The following PLCG2 variants were observed in gnomAD, a reference collection of about 807,000 sequenced individuals.
The protein encoded by PLCG2 is phospholipase C gamma 2.
A neutral mutation model predicts 175.6 loss-of-function variants in PLCG2; 69 were observed. That is an observed-to-expected ratio of 0.39 (90% CI 0.32 to 0.48). The LOEUF (loss-of-function observed/expected upper bound fraction) is 0.48. Ranked by LOEUF, PLCG2 falls within the 20% of genes least tolerant of loss-of-function variation. PLCG2 has a pLI of 0.91. For synonymous variants in PLCG2, 827 were observed against 624.0 expected, an observed-to-expected ratio of 1.33 and a Z score of -4.85; for missense variants, 1,798 against 1,650.9, an observed-to-expected ratio of 1.09 and a Z score of -1.54.
chr16:81,940,807 TCTATATAG>T (rs1395152316), intron 30 of PLCG2, among the ~76,000 whole-genome samples: 4 of 152,196 alleles, frequency 2.6e-5, no homozygotes, highest in Non-Finnish European at 4.4e-5. Flanking sequence ...CTCCTTAGCT[TCTATATAG>T]TTTCTCTAGT....
chr16:81,903,960 G>A (rs4424903), intron 14 of PLCG2, among the ~76,000 whole-genome samples: 136,768 of 152,006 alleles, frequency 0.9, 61,651 homozygotes, highest in East Asian at 0.97. Flanking sequence ...TTGGCTAGGC[G>A]TGGTCATATG....
intron 2 of PLCG2, among the ~76,000 whole-genome samples, chr16:81,787,283 A>G (rs762807504): frequency 6.6e-6 from 1 of 151,936 alleles, no homozygotes; most frequent in African/African-American, 2.4e-5. Context: ...GTGCAATGGC[A>G]TGATCATGGC....
At chr16:81,869,327 T>A in intron 6 of PLCG2, 29 bp downstream of exon 6, 1 of 1,498,884 alleles carries the variant, frequency 6.7e-7, no homozygotes, top group Middle Eastern at 1.7e-4. Context: ...CCTGGGAATT[T>A]TATGAATGCG....
Position 81,858,341 on chromosome 16 carries a change from C to T in PLCG2, c.416C>T (p.Pro139Leu), listed in dbSNP as rs1597358022. ...CAGGAAGCGATGAATGCGTCCACGC[C>T]CACCATTATCGAGAGGTAGTTGGCT... ...LHQEAMNAST[P>L]TIIESWLRKQ... is the part of the protein sequence containing the mutation. Residue 139 changes from proline to leucine, a missense_variant, in exon 4 of 33, where the codon CCC becomes CTC. Pro to Leu is a moderately conservative substitution (Grantham distance 98). Coordinates refer to ENST00000564138, the MANE Select transcript of PLCG2 (RefSeq NM_002661.5). 2 of 1,613,110 alleles carry T rather than the reference C, an allele frequency of 1.2e-6. No individual in the cohort carries two copies. Among genetic ancestry groups the T allele is most frequent in the Non-Finnish European group, 1.7e-6 (2 of 1,179,096 alleles).
At chr16:81,912,788 G>C in intron 19 of PLCG2, 72 bp downstream of exon 19, 1 of 1,484,914 alleles carries the variant, frequency 6.7e-7, no homozygotes, top group Non-Finnish European at 8.9e-7. Flanking sequence ...AGACAAGGGG[G>C]AACTTCAGGT....
intron 2 of PLCG2, among the ~76,000 whole-genome samples, chr16:81,765,683 C>T (rs1479967121): frequency 6.6e-6 from 1 of 152,150 alleles, no homozygotes; most frequent in African/African-American, 2.4e-5. Flanking sequence ...CCCGGGGTCT[C>T]AGACTTTTAG....
intron 10 of PLCG2, 84 bp from the exon 11 acceptor site, chr16:81,891,388 C>G: frequency 1.2e-6 from 1 of 815,494 alleles, no homozygotes; most frequent in Non-Finnish European, 2.2e-6. Flanking sequence ...TGTTCTTCCC[C>G]CCTGGTGGGC....
At position 81,940,216 on chromosome 16, in the gene PLCG2, G is replaced by A. The variant is rs779050876; in HGVS notation, c.3481+157G>A. On this transcript the variant is annotated intron_variant, in intron 30 of 32. Coordinates refer to ENST00000564138, the MANE Select transcript of PLCG2 (RefSeq NM_002661.5). ...TTGGAGAGCAGGTGTACAGCCTGTC[G>A]TGTAGCACACAGGTGGGAGGAAGTG... Among the ~76,000 whole-genome samples the A allele has an allele frequency of 7.9e-5, 12 of 152,270 alleles. 1 individual carries two copies. Among genetic ancestry groups the A allele is most frequent in the Middle Eastern group, 6.8e-3 (2 of 292 alleles).
chr16:81,958,750 G>C lies in PLCG2; in HGVS notation c.*752G>C, dbSNP rs575279604. ...TTGCCCCTGGCTCTGCCAGCTGCTG[G>C]GAGGCTCTGGCCCCACTAGTCCCTC... On this transcript the variant is annotated 3_prime_UTR_variant, in exon 33 of 33. Coordinates refer to ENST00000564138, the MANE Select transcript of PLCG2 (RefSeq NM_002661.5). 1 of 221,346 alleles carries C rather than the reference G, an allele frequency of 4.5e-6. No homozygotes were observed. The highest frequency in any genetic ancestry group is 9.0e-6 in the Non-Finnish European group (1 of 110,590). The allele number at this position is 221,346 out of a possible 1,614,324, so 13.7% of individuals were successfully genotyped here.
At chr16:81,875,925 T>A (rs1426091797) in intron 7 of PLCG2, among the ~76,000 whole-genome samples, 2 of 152,094 alleles carry the variant, frequency 1.3e-5, no homozygotes, top group African/African-American at 4.8e-5. Context: ...TCAGAGATCT[T>A]GCAGTTTATT....
chr16:81,879,232 A>T (rs1391089434), intron 7 of PLCG2, among the ~76,000 whole-genome samples: 4 of 152,170 alleles, frequency 2.6e-5, no homozygotes, highest in African/African-American at 9.6e-5. Flanking sequence ...TGGGCTTGGA[A>T]GTGTTCTAGC....
chr16:81,917,486 G>A (rs142465920), intron 19 of PLCG2, among the ~76,000 whole-genome samples: 6 of 152,116 alleles, frequency 3.9e-5, no homozygotes, highest in African/African-American at 1.2e-4. Context: ...TTTCCATAGT[G>A]GCTATGCTAA....
chr16:81,755,183 ATTT>A (rs1459422858), intron 1 of PLCG2, among the ~76,000 whole-genome samples: 1 of 151,858 alleles, frequency 6.6e-6, no homozygotes, highest in Non-Finnish European at 1.5e-5. Context: ...CTGTTCCTTT[ATTT>A]TTTATTTTTA....
chr16:81,774,177 CAAAAAAAAAA>C (rs57503150), intron 2 of PLCG2, among the ~76,000 whole-genome samples: 4 of 40,544 alleles, frequency 9.9e-5, no homozygotes, highest in South Asian at 1.7e-3. Flanking sequence ...ACTAAAAATA[CAAAAAAAAAA>C]AAAAAAAAAA....
intron 5 of PLCG2, among the ~76,000 whole-genome samples, chr16:81,861,788 G>A (rs930467541): frequency 6.6e-6 from 1 of 152,202 alleles, no homozygotes; most frequent in East Asian, 1.9e-4. Context: ...TGGCCAATCT[G>A]GCTCTGAAGT....
At chr16:81,855,863 A>G (rs1415351507) in intron 3 of PLCG2, among the ~76,000 whole-genome samples, 1 of 152,042 alleles carries the variant, frequency 6.6e-6, no homozygotes, top group Non-Finnish European at 1.5e-5. Flanking sequence ...ATGAGGAGCG[A>G]ATGTCTGACT....
At chr16:81,809,350 G>A (rs1323621054) in intron 2 of PLCG2, among the ~76,000 whole-genome samples, 2 of 152,080 alleles carry the variant, frequency 1.3e-5, no homozygotes, top group African/African-American at 4.8e-5. Flanking sequence ...CAATACCCCA[G>A]CTCCCTCACC....
chr16:81,925,105 C>G (rs1732884744), intron 22 of PLCG2, among the ~76,000 whole-genome samples: 1 of 152,198 alleles, frequency 6.6e-6, no homozygotes, highest in African/African-American at 2.4e-5. Flanking sequence ...TGGCCTCATG[C>G]CTTTCTATGC....
chr16:81,939,121 G>T (rs1443862215), intron 29 of PLCG2, among the ~76,000 whole-genome samples: 1 of 152,144 alleles, frequency 6.6e-6, no homozygotes, highest in East Asian at 1.9e-4. Context: ...AGTGCTGTTT[G>T]CCTGCCTGTA....
Sources: allele counts gnomAD v4.1 joint callset (sites outside exome capture counted in the v4.1 genomes callset), GRCh38; gene constraint gnomAD v4.1.1; transcripts MANE v1.5; gene names NCBI Gene and HGNC (gene_info 2026-07-23, HGNC 2026-07-21).